The following CHD8 variants were observed in gnomAD, a reference collection of about 807,000 sequenced individuals.
CHD8 encodes chromodomain helicase DNA binding protein 8.
A neutral mutation model predicts 279.2 loss-of-function variants in CHD8; 31 were observed. The observed-to-expected ratio is 0.11, with a 90% CI of 0.08 to 0.15. CHD8 has a LOEUF of 0.15. CHD8 is among the 10% of genes least tolerant of loss of function. The pLI is 1.00. For synonymous variants in CHD8, 1,081 were observed against 1,139.6 expected (o/e 0.95, Z 1.04); for missense variants, 2,146 against 3,230.5 (o/e 0.66, Z 8.14).
Position 21,393,182 on chromosome 14 carries a change from G to A in CHD8, c.6392C>T (p.Pro2131Leu), listed in dbSNP as rs794727559. 8 of 1,613,788 alleles carry A rather than the reference G, an allele frequency of 5.0e-6. No homozygotes were observed. The highest frequency in any genetic ancestry group is 6.8e-6 in the Non-Finnish European group (8 of 1,179,872). Residue 2131 changes from proline (P) to leucine (L), a missense_variant, in exon 33 of 38, where the codon CCA (proline) becomes CTA (leucine). Physicochemically the swap from Pro to Leu is moderately conservative, Grantham distance 98 (BLOSUM62 -3). Coordinates refer to ENST00000646647, the MANE Select transcript of CHD8 (RefSeq NM_001170629.2). Reference sequence around the variant, plus strand: ...GGTCATTTGTTCTCCATCTTCATTTGGGAATCCATCTTGGGACATAGTGAG... The same window carrying A: ...GGTCATTTGTTCTCCATCTTCATTTAGGAATCCATCTTGGGACATAGTGAG... The part of the protein sequence containing the change: ...LSLTMSQDGF[P>L]NEDGEQMTPE...
rs1316200004 is a variant in CHD8, at chr14:21,385,455, G to T, written c.*158C>A. On this transcript the variant is annotated 3_prime_UTR_variant, in exon 38 of 38. Coordinates refer to ENST00000646647, the MANE Select transcript of CHD8 (RefSeq NM_001170629.2). ...TGCCCACCCAATCCTCTCATAATTG[G>T]GAGCAATCAGGTACATTTTTTTTTT... 1 of 1,207,596 alleles carries T rather than the reference G, an allele frequency of 8.3e-7. No individual in the cohort carries two copies. The highest frequency in any genetic ancestry group is 2.6e-5 in the East Asian group (1 of 38,772). The allele number at this position is 1,207,596 out of a possible 1,614,324, so 74.8% of individuals were successfully genotyped here. A position where few individuals can be genotyped will look rare whatever the true frequency, so the allele number is the denominator to read the frequency against.
At chr14:21,392,021 T>C (rs1887565150) in intron 34 of CHD8, 75 bp from the exon 35 acceptor site, 2 of 1,080,206 alleles carry the variant, frequency 1.9e-6, no homozygotes, top group Non-Finnish European at 2.9e-6. Context: ...CTTTGAGGGA[T>C]GTGGGCTATA....
chr14:21,398,780 TA>T (rs1274860693), intron 26 of CHD8: 1 of 166,532 alleles, frequency 6.0e-6, no homozygotes, highest in Non-Finnish European at 1.3e-5. Flanking sequence ...TCTCCCTTCT[TA>T]TACTCTACTT....
chr14:21,453,778 T>C (rs1323522498), intron 1 of CHD8, among the ~76,000 whole-genome samples: 1 of 151,960 alleles, frequency 6.6e-6, no homozygotes, highest in Admixed American at 6.5e-5. Context: ...TTCATCTGAA[T>C]GTTACAGTCC....
rs1011783564 is a variant in CHD8, at chr14:21,394,300, C to T, written c.5576G>A (p.Arg1859His). 7.4e-6 allele frequency: 12 copies of T among 1,613,772 alleles called. No individual in the cohort carries two copies. The highest frequency in any genetic ancestry group is 2.2e-5 in the East Asian group (1 of 44,880). ...ACCATCTCCAGCTGCTGGGGGAAGG[C>T]GGCATACTTGGCGGCACATGGCCAC... ...GFVAMCRQVC[R>H]LPPAAGDEPP... The change falls in exon 31 of 38, where the codon CGC becomes CAC. Residue 1859 changes from arginine to histidine, a missense_variant. By Grantham distance (29) the Arg-to-His change is conservative. Transcript: ENST00000646647.
At chr14:21,418,997 C>G (rs371521514) in intron 5 of CHD8, among the ~76,000 whole-genome samples, 1 of 152,066 alleles carries the variant, frequency 6.6e-6, no homozygotes, top group African/African-American at 2.4e-5. Flanking sequence ...GAAGTAACTT[C>G]GATACATTTG....
intron 1 of CHD8, among the ~76,000 whole-genome samples, chr14:21,437,508 A>C (rs1889839249): frequency 6.6e-6 from 1 of 152,210 alleles, no homozygotes; most frequent in Non-Finnish European, 1.5e-5. Context: ...ATAGTACGCG[A>C]AACCAGTCCT....
At chr14:21,436,875 G>T in intron 1 of CHD8, 1 of 1,069,386 alleles carries the variant, frequency 9.4e-7, no homozygotes, top group Non-Finnish European at 1.3e-6. Context: ...ACTGGGGTGG[G>T]GGTGGGGGGG....
intron 1 of CHD8, among the ~76,000 whole-genome samples, chr14:21,443,273 C>A (rs1433717962): frequency 6.6e-6 from 1 of 151,832 alleles, no homozygotes; most frequent in African/African-American, 2.4e-5. Flanking sequence ...CACCTATAGT[C>A]CCAGCTACTT....
At chr14:21,429,497 T>G (rs778824350) in intron 2 of CHD8, 162 bp from the exon 3 acceptor site, 1 of 830,256 alleles carries the variant, frequency 1.2e-6, no homozygotes, top group South Asian at 1.3e-5. Context: ...ATGCAATCTT[T>G]TTTGTTATTT....
chr14:21,441,882 C>T (rs549089909), intron 1 of CHD8, among the ~76,000 whole-genome samples: 84 of 133,552 alleles, frequency 6.3e-4, no homozygotes, highest in Non-Finnish European at 1.2e-3. Flanking sequence ...GAGCGAGACT[C>T]CACCTCAAAA....
intron 2 of CHD8, chr14:21,429,686 A>G: frequency 2.6e-6 from 1 of 377,418 alleles, no homozygotes; most frequent in Non-Finnish European, 5.2e-6. Flanking sequence ...TTGATGTCAA[A>G]CTTAGTGCAG....
intron 1 of CHD8, among the ~76,000 whole-genome samples, chr14:21,439,412 G>C (rs947386952): frequency 9.2e-5 from 14 of 152,248 alleles, no homozygotes; most frequent in Admixed American, 7.2e-4. Context: ...TTTGCCAAGT[G>C]TCATTGATTC....
intron 1 of CHD8, chr14:21,437,073 G>A (rs1385345297): frequency 5.3e-6 from 4 of 748,720 alleles, no homozygotes; most frequent in South Asian, 1.4e-5. Flanking sequence ...GGGGGTGGGG[G>A]GTGTGGATGC....
intron 1 of CHD8, among the ~76,000 whole-genome samples, chr14:21,432,282 T>A (rs1889596250): frequency 6.6e-6 from 1 of 152,256 alleles, no homozygotes. Context: ...TTCTATTGTA[T>A]AAATTTTTCT....
chr14:21,387,549 G>A (rs916673813), intron 37 of CHD8, among the ~76,000 whole-genome samples: 4 of 151,210 alleles, frequency 2.6e-5, no homozygotes, highest in South Asian at 2.1e-4. Context: ...CAGAAAAATC[G>A]CTTGAACCCA....
At chr14:21,423,336 G>A (rs1398182899) in intron 5 of CHD8, among the ~76,000 whole-genome samples, 1 of 152,192 alleles carries the variant, frequency 6.6e-6, no homozygotes, top group Non-Finnish European at 1.5e-5. Flanking sequence ...CCCATAGCAG[G>A]AAGGTGACAG....
chr14:21,434,504 T>A (rs796788749), intron 1 of CHD8, among the ~76,000 whole-genome samples: 15 of 152,160 alleles, frequency 9.9e-5, no homozygotes, highest in Admixed American at 5.2e-4. Context: ...TTTTTTTTTT[T>A]AAATAGGAGA....
rs1180009665 is a variant in CHD8, at chr14:21,402,514, A to G, written c.3715-11T>C. On this transcript the variant is annotated splice_polypyrimidine_tract_variant and intron_variant, in intron 18 of 37. Transcript: ENST00000646647. This position sits in a 1 kb window ranked among gnomAD's most constrained non-coding sequence, Gnocchi z 4.5. The stretch of plus-strand genomic sequence containing the variant: ...ACATCGTGCCTGGGCCTGGTTTAAA[A>G]TAAAAACGAAAGGAAAGGAGAAAGA... 6.4e-7 allele frequency: 1 copy of G among 1,570,322 alleles called. No homozygotes were observed. The highest frequency in any genetic ancestry group is 8.6e-7 in the Non-Finnish European group (1 of 1,160,610).
Sources: gnomAD v4.1 joint callset for allele counts (sites outside exome capture counted in the v4.1 genomes callset) on GRCh38, gnomAD v4.1.1 for gene constraint, Gnocchi (gnomAD v3.1) non-coding constraint, MANE v1.5 for transcripts, NCBI Gene and HGNC (gene_info 2026-07-23, HGNC 2026-07-21) for gene names.